The following XKR6 variants were observed in gnomAD, a reference collection of about 807,000 sequenced individuals.
XKR6 encodes the protein XK related 6.
XKR6 carries 22 observed loss-of-function variants against 56.7 expected under a neutral mutation model. The observed-to-expected ratio is 0.39, with a 90% confidence interval of 0.28 to 0.55. The LOEUF (loss-of-function observed/expected upper bound fraction) is 0.55, where lower values mean the gene tolerates loss of function less well. Ranked by LOEUF, XKR6 falls within the 20% of genes least tolerant of loss-of-function variation. XKR6 has a pLI of 0.66. For missense variants in XKR6, 852 were observed against 889.0 expected (o/e 0.96, Z 0.53); for synonymous variants, 524 against 387.8 (o/e 1.35, Z -4.13).
At chr8:10,985,305 T>C (rs1239798548) in intron 1 of XKR6, among the ~76,000 whole-genome samples, 3 of 152,098 alleles carry the variant, frequency 2.0e-5, no homozygotes, top group East Asian at 3.9e-4. Context: ...CTGATGGTTT[T>C]ATAAAGGAGA....
At chr8:11,040,746 C>A (rs1031746441) in intron 1 of XKR6, among the ~76,000 whole-genome samples, 5 of 152,150 alleles carry the variant, frequency 3.3e-5, no homozygotes, top group Admixed American at 1.3e-4. Context: ...TGATCGCCCC[C>A]CAAACCCCCA....
At chr8:10,907,546 C>T (rs532080503) in intron 2 of XKR6, among the ~76,000 whole-genome samples, 13 of 152,292 alleles carry the variant, frequency 8.5e-5, no homozygotes, top group African/African-American at 2.9e-4. Flanking sequence ...GATGAAGACA[C>T]TGAGGCTTAC....
intron 1 of XKR6, among the ~76,000 whole-genome samples, chr8:11,007,236 C>A (rs778925881): frequency 6.6e-5 from 10 of 152,172 alleles, no homozygotes; most frequent in African/African-American, 9.7e-5. Context: ...TTTGGAATGG[C>A]TAGACCATTC....
At chr8:11,026,891 A>C (rs900019732) in intron 1 of XKR6, among the ~76,000 whole-genome samples, 9 of 151,844 alleles carry the variant, frequency 5.9e-5, no homozygotes, top group African/African-American at 2.2e-4. Context: ...ACACCCTTAG[A>C]TGGTCTAGCC....
intron 1 of XKR6, among the ~76,000 whole-genome samples, chr8:10,976,820 T>G (rs911804005): frequency 3.3e-5 from 5 of 152,064 alleles, no homozygotes; most frequent in African/African-American, 1.2e-4. Flanking sequence ...AGGATTTTAC[T>G]TGCAATCCTC....
intron 1 of XKR6, among the ~76,000 whole-genome samples, chr8:10,945,203 G>A (rs1353909518): frequency 1.3e-5 from 2 of 152,220 alleles, no homozygotes; most frequent in Non-Finnish European, 2.9e-5. Context: ...CCAAAATGCT[G>A]TTGCGCACGG....
chr8:11,067,947 G>C (rs557109652), intron 1 of XKR6, among the ~76,000 whole-genome samples: 1 of 152,230 alleles, frequency 6.6e-6, no homozygotes, highest in Non-Finnish European at 1.5e-5. Flanking sequence ...TGCCCTCATC[G>C]GTCTGCATAG....
Position 10,897,392 on chromosome 8 carries a change from T to C in XKR6, c.*560A>G, listed in dbSNP as rs1799913401. 1 of 152,688 alleles carries C rather than the reference T, an allele frequency of 6.5e-6. No homozygotes were observed. The highest frequency in any genetic ancestry group is 2.1e-4 in the South Asian group (1 of 4,830). The allele number at this position is 152,688 out of a possible 1,614,324, so 9.5% of individuals were successfully genotyped here. A position where few individuals can be genotyped will look rare whatever the true frequency, so the allele number is the denominator to read the frequency against. On this transcript the variant is annotated 3_prime_UTR_variant, in exon 3 of 3. Transcript: ENST00000416569. ...CACTTTTAGATTTGTTTCATTTAAT[T>C]GTTTAATTTTCCCTCTTCTGGTGCA...
At chr8:11,187,567 C>T (rs141338722) in intron 1 of XKR6, among the ~76,000 whole-genome samples, 1 of 152,146 alleles carries the variant, frequency 6.6e-6, no homozygotes, top group Non-Finnish European at 1.5e-5. Flanking sequence ...CGTTTTGAAG[C>T]TATTGAGGGC....
chr8:11,008,066 G>T (rs1798412291), intron 1 of XKR6, among the ~76,000 whole-genome samples: 2 of 152,180 alleles, frequency 1.3e-5, no homozygotes, highest in African/African-American at 4.8e-5. Context: ...TCACACAGGG[G>T]CAAGGCAGTG....
chr8:11,169,498 T>C (rs1802255945), intron 1 of XKR6, among the ~76,000 whole-genome samples: 1 of 152,358 alleles, frequency 6.6e-6, no homozygotes, highest in Admixed American at 6.5e-5. Flanking sequence ...CATGGACACC[T>C]TGAAAACATT....
At chr8:10,916,258 G>C (rs1800561418) in intron 2 of XKR6, among the ~76,000 whole-genome samples, 1 of 152,210 alleles carries the variant, frequency 6.6e-6, no homozygotes, top group Non-Finnish European at 1.5e-5. Context: ...TAAGGAAATG[G>C]AATGGAAAAT....
chr8:11,124,124 C>G (rs1249515017), intron 1 of XKR6: 3 of 401,570 alleles, frequency 7.5e-6, no homozygotes, highest in South Asian at 3.6e-5. Flanking sequence ...TTTATCTTCC[C>G]TACTAGAATG....
chr8:11,155,418 T>C (rs1428516926), intron 1 of XKR6, among the ~76,000 whole-genome samples: 1 of 152,182 alleles, frequency 6.6e-6, no homozygotes, highest in Non-Finnish European at 1.5e-5. Context: ...TTTTATAAAG[T>C]GAACAAGGGA....
chr8:11,041,802 T>A (rs1432706078), intron 1 of XKR6, among the ~76,000 whole-genome samples: 2 of 152,176 alleles, frequency 1.3e-5, no homozygotes, highest in Non-Finnish European at 2.9e-5. Context: ...ACGCTACTGG[T>A]GGAATAAGAC....
chr8:10,938,421 C>T (rs1801292448), intron 1 of XKR6, among the ~76,000 whole-genome samples: 1 of 152,212 alleles, frequency 6.6e-6, no homozygotes, highest in African/African-American at 2.4e-5. Context: ...ATCTTGGCTC[C>T]TCCCCCCAGC....
At chr8:11,012,075 A>G (rs1014468116) in intron 1 of XKR6, among the ~76,000 whole-genome samples, 1 of 152,212 alleles carries the variant, frequency 6.6e-6, no homozygotes, top group Non-Finnish European at 1.5e-5. Context: ...TTTGGGACAC[A>G]ACAGGCAGGG....
chr8:11,134,766 A>G (rs1487369744), intron 1 of XKR6, among the ~76,000 whole-genome samples: 2 of 152,078 alleles, frequency 1.3e-5, no homozygotes, highest in African/African-American at 2.4e-5. Context: ...ACAATACTAT[A>G]TTCACAAAAA....
chr8:11,027,693 G>A (rs1316050760), intron 1 of XKR6, among the ~76,000 whole-genome samples: 2 of 152,210 alleles, frequency 1.3e-5, no homozygotes, highest in African/African-American at 4.8e-5. Flanking sequence ...ACGTCTACTG[G>A]CAGTGTGGCC....
Sources: gnomAD v4.1 joint callset for allele counts (sites outside exome capture counted in the v4.1 genomes callset) on GRCh38, gnomAD v4.1.1 for gene constraint, MANE v1.5 for transcripts, NCBI Gene and HGNC (gene_info 2026-07-23, HGNC 2026-07-21) for gene names.